Variants in PRKCE observed in about 807,000 individuals in gnomAD.
The protein encoded by PRKCE is protein kinase C epsilon type.
A neutral mutation model predicts 85.4 loss-of-function variants in PRKCE; 16 were observed. That is an observed-to-expected ratio of 0.19 (90% CI 0.13 to 0.28). PRKCE has a LOEUF of 0.28. Ranked by LOEUF, PRKCE falls within the 10% of genes least tolerant of loss-of-function variation. The pLI is 1.00. For missense variants in PRKCE, 573 were observed against 975.2 expected, an observed-to-expected ratio of 0.59 and a Z score of 5.49; for synonymous variants, 388 against 371.5, an observed-to-expected ratio of 1.04 and a Z score of -0.51.
chr2:45,889,924 TTA>T (rs1284855363), intron 2 of PRKCE, among the ~76,000 whole-genome samples: 3 of 152,226 alleles, frequency 2.0e-5, no homozygotes, highest in Admixed American at 6.5e-5. Context: ...TCTGTGCTCT[TTA>T]GGCTCAAATC....
intron 2 of PRKCE, among the ~76,000 whole-genome samples, chr2:45,884,966 TATATATATATATATATATATATATA>T (rs1198561771): frequency 1.8e-5 from 1 of 56,878 alleles, no homozygotes; most frequent in Non-Finnish European, 3.8e-5. Context: ...TATATATATA[TATATATATATATATATATATATATA>T]TATATATATA....
chr2:46,100,558 G>A (rs550299646), intron 11 of PRKCE, among the ~76,000 whole-genome samples: 13 of 152,304 alleles, frequency 8.5e-5, no homozygotes, highest in South Asian at 2.1e-4. Context: ...ACACCCTCTC[G>A]GAAGTGGGGC....
chr2:46,153,741 T>C (rs1676876344), intron 13 of PRKCE, among the ~76,000 whole-genome samples: 2 of 150,176 alleles, frequency 1.3e-5, no homozygotes, highest in Admixed American at 1.3e-4. Flanking sequence ...TTCTTCGTCC[T>C]CCTCTTCCTC....
intron 1 of PRKCE, among the ~76,000 whole-genome samples, chr2:45,659,501 A>T (rs183533459): frequency 1.3e-5 from 2 of 152,164 alleles, no homozygotes; most frequent in African/African-American, 4.8e-5. Context: ...GTCTCTGCTC[A>T]CAGATCTCTC....
chr2:45,998,536 A>G (rs1275528521), intron 6 of PRKCE, among the ~76,000 whole-genome samples: 1 of 152,032 alleles, frequency 6.6e-6, no homozygotes, highest in African/African-American at 2.4e-5. Flanking sequence ...TTTAATCTGT[A>G]TGTGTCTTTA....
rs565638182 is a variant in PRKCE at position 45,905,011 on chromosome 2, C to A, written c.412+61948C>A. 2.0e-5 allele frequency among the ~76,000 whole-genome samples: 3 copies of A among 152,340 alleles called. No individual in the cohort carries two copies. The East Asian group carries it at 5.8e-4, about 29-fold the overall frequency. On this transcript the variant is annotated intron_variant, in intron 2 of 14. Coordinates refer to ENST00000306156, the MANE Select transcript of PRKCE (RefSeq NM_005400.3). The surrounding 1 kb of genome is among the most constrained non-coding windows in gnomAD (Gnocchi z 4.4). ...ACCATTGTACAGACAGCGACAGGGG[C>A]TCCACATCACTTCAGCAGGCACGGT...
Position 46,004,626 on chromosome 2 carries a change from C to A in PRKCE, c.1051C>A (p.Pro351Thr). 1 of 1,585,402 alleles carries A rather than the reference C, an allele frequency of 6.3e-7. No homozygotes were observed. The highest frequency in any genetic ancestry group is 1.1e-5 in the South Asian group (1 of 88,104). Reference sequence around the variant, plus strand: ...TCGATCCAAGTCAGCACCCACCTCCCCTTGTGACCAGGGTGAGACCCTCAG... The same window carrying A: ...TCGATCCAAGTCAGCACCCACCTCCACTTGTGACCAGGGTGAGACCCTCAG... Reference protein sequence around the residue: ...EDRSKSAPTSPCDQEIKELEN... With the variant: ...EDRSKSAPTSTCDQEIKELEN... Residue 351 changes from proline (P) to threonine (T), a missense_variant, in exon 8 of 15, where the codon CCT becomes ACT. By Grantham distance (38) the Pro-to-Thr change is conservative (BLOSUM62 -1). Transcript: ENST00000306156. This position sits in a 1 kb window ranked among gnomAD's most constrained non-coding sequence, Gnocchi z 4.1.
intron 1 of PRKCE, among the ~76,000 whole-genome samples, chr2:45,780,750 G>T (rs1221836659): frequency 6.6e-6 from 1 of 152,168 alleles, no homozygotes; most frequent in African/African-American, 2.4e-5. Flanking sequence ...TCAGTAACTT[G>T]TTCTCATGAT....
At chr2:45,870,831 G>A (rs1016425921) in intron 2 of PRKCE, among the ~76,000 whole-genome samples, 5 of 152,200 alleles carry the variant, frequency 3.3e-5, no homozygotes, top group African/African-American at 9.7e-5. Context: ...GTGGTCAAAC[G>A]AGGTGAGTAA....
At chr2:45,837,875 T>A (rs551055531) in intron 1 of PRKCE, among the ~76,000 whole-genome samples, 17 of 152,162 alleles carry the variant, frequency 1.1e-4, no homozygotes, top group Admixed American at 6.5e-4. Flanking sequence ...GTCTCAAAAA[T>A]TTTTTTTGAA....
intron 11 of PRKCE, among the ~76,000 whole-genome samples, chr2:46,091,601 A>C (rs1383374320): frequency 6.6e-6 from 1 of 152,168 alleles, no homozygotes. Context: ...AGCCCTGACC[A>C]AGTGTCCCCA....
chr2:45,940,393 G>C (rs1382134451), intron 2 of PRKCE, among the ~76,000 whole-genome samples: 1 of 152,200 alleles, frequency 6.6e-6, no homozygotes, highest in Non-Finnish European at 1.5e-5. Context: ...ACATGATTTA[G>C]CTTTAATATT....
At chr2:46,060,674 G>A (rs1430966343) in intron 10 of PRKCE, among the ~76,000 whole-genome samples, 1 of 151,304 alleles carries the variant, frequency 6.6e-6, no homozygotes, top group East Asian at 1.9e-4. Flanking sequence ...ATGCACCTGT[G>A]CGTCCATCCC....
intron 1 of PRKCE, chr2:45,685,367 C>T (rs1677216955): frequency 6.6e-6 from 1 of 152,078 alleles, no homozygotes; most frequent in Non-Finnish European, 1.5e-5. Context: ...GCATAAATAC[C>T]CATATTTTAA....
intron 6 of PRKCE, among the ~76,000 whole-genome samples, chr2:45,994,274 G>A (rs752175388): frequency 1.4e-4 from 21 of 152,054 alleles, no homozygotes; most frequent in Non-Finnish European, 2.5e-4. Flanking sequence ...AACGGTCAGT[G>A]AACCTTCATT....
At chr2:46,182,754 C>T (rs993949944) in intron 14 of PRKCE, among the ~76,000 whole-genome samples, 5 of 152,240 alleles carry the variant, frequency 3.3e-5, no homozygotes, top group Admixed American at 1.3e-4. Flanking sequence ...ACCCGGCCCA[C>T]GTTACCCACT....
intron 10 of PRKCE, among the ~76,000 whole-genome samples, chr2:46,043,042 C>T (rs993369518): frequency 6.6e-6 from 1 of 151,988 alleles, no homozygotes; most frequent in Non-Finnish European, 1.5e-5. Flanking sequence ...ACTCACAAGG[C>T]AACTTCCCAT....
chr2:46,141,589 T>C (rs996060213), intron 11 of PRKCE, among the ~76,000 whole-genome samples: 1 of 152,086 alleles, frequency 6.6e-6, no homozygotes, highest in African/African-American at 2.4e-5. Context: ...TATTACCTAT[T>C]GAAGAAAAAT....
At chr2:45,761,757 C>G (rs1427549279) in intron 1 of PRKCE, among the ~76,000 whole-genome samples, 2 of 152,128 alleles carry the variant, frequency 1.3e-5, no homozygotes, top group Non-Finnish European at 2.9e-5. Flanking sequence ...AAGCACTTCC[C>G]TATCTGATTT....
Sources: gnomAD v4.1 joint callset for allele counts (sites outside exome capture counted in the v4.1 genomes callset) on GRCh38, gnomAD v4.1.1 for gene constraint, Gnocchi (gnomAD v3.1) non-coding constraint, MANE v1.5 for transcripts, NCBI Gene and HGNC (gene_info 2026-07-23, HGNC 2026-07-21) for gene names.